The following SLC38A8 variants were observed in gnomAD, a reference collection of about 807,000 sequenced individuals.
The protein encoded by SLC38A8 is solute carrier family 38 member 8.
Under a neutral mutation model 46.0 loss-of-function variants are expected in SLC38A8, and 65 were observed. The observed-to-expected ratio is 1.41, with a 90% CI of 1.16 to 1.74. The LOEUF is 1.74. SLC38A8 is among the 40% of genes most tolerant of loss of function. The pLI, the probability that SLC38A8 is intolerant of heterozygous loss-of-function variation, is 0.00. For synonymous variants in SLC38A8, 447 were observed against 243.7 expected (o/e 1.83, Z -7.77); for missense variants, 998 against 567.9 (o/e 1.76, Z -7.70).
chr16:84,019,479 G>A (rs368025567), intron 7 of SLC38A8, among the ~76,000 whole-genome samples: 7 of 152,252 alleles, frequency 4.6e-5, no homozygotes, highest in Middle Eastern at 3.4e-3. Flanking sequence ...TTATGAGAGC[G>A]CTGCTCTCGA....
Position 84,016,582 on chromosome 16 carries a change from C to T in SLC38A8, c.1099G>A (p.Asp367Asn). ...VTLAMALFMP[D>N]LSEIVSIIGG... The stretch of plus-strand genomic sequence containing the variant: ...ATGATGCTGACGATCTCGCTGAGGT[C>T]AGGCATAAACAGCGCCATGGCGAGC... The change falls in exon 9 of 11, where the codon GAC (aspartate) becomes AAC (asparagine). Residue 367 changes from aspartate (D) to asparagine (N), a missense_variant. By Grantham distance (23) the Asp-to-Asn change is conservative (BLOSUM62 1). Coordinates refer to ENST00000299709, the MANE Select transcript of SLC38A8 (RefSeq NM_001080442.3). The T allele has an allele frequency of 2.5e-6, 4 of 1,614,076 alleles. No homozygotes were observed. The highest frequency in any genetic ancestry group is 3.4e-6 in the Non-Finnish European group (4 of 1,180,020).
At chr16:84,039,658 G>A (rs565648935) in intron 2 of SLC38A8, among the ~76,000 whole-genome samples, 1 of 150,634 alleles carries the variant, frequency 6.6e-6, no homozygotes, top group East Asian at 2.0e-4. Flanking sequence ...CTGGGCAGGA[G>A]AATCGCTTGA....
chr16:84,010,141 G>A (rs994617925), intron 10 of SLC38A8, among the ~76,000 whole-genome samples: 8 of 142,148 alleles, frequency 5.6e-5, no homozygotes, highest in South Asian at 2.2e-4. Flanking sequence ...CACGATCTCG[G>A]CTCACTGCAG....
At chr16:84,026,027 G>A (rs897267866) in intron 6 of SLC38A8, among the ~76,000 whole-genome samples, 3 of 152,248 alleles carry the variant, frequency 2.0e-5, no homozygotes, top group Admixed American at 6.5e-5. Context: ...CCGTGCACCA[G>A]CACCTCAGCC....
chr16:84,037,720 C>T (rs1399501151), intron 2 of SLC38A8, among the ~76,000 whole-genome samples: 1 of 151,408 alleles, frequency 6.6e-6, no homozygotes, highest in Non-Finnish European at 1.5e-5. Context: ...AAAATTGTAC[C>T]TCTGTACTCC....
chr16:84,022,914 A>G (rs779287590), intron 6 of SLC38A8, 25 bp from the exon 7 acceptor site: 2 of 1,532,946 alleles, frequency 1.3e-6, no homozygotes, highest in East Asian at 4.7e-5. Flanking sequence ...GCGGCTCAGC[A>G]GGATGCTGGC....
intron 7 of SLC38A8, among the ~76,000 whole-genome samples, chr16:84,018,465 C>T (rs946661945): frequency 3.3e-5 from 5 of 152,094 alleles, no homozygotes; most frequent in South Asian, 2.1e-4. Flanking sequence ...GTGATCCACC[C>T]GCCCTGGCCT....
At chr16:84,023,636 G>C (rs1192668627) in intron 6 of SLC38A8, among the ~76,000 whole-genome samples, 1 of 152,238 alleles carries the variant, frequency 6.6e-6, no homozygotes, top group African/African-American at 2.4e-5. Flanking sequence ...GCTCGCACCT[G>C]TCACCCCAGC....
intron 3 of SLC38A8, among the ~76,000 whole-genome samples, chr16:84,036,469 A>C (rs1195676589): frequency 6.6e-6 from 1 of 152,222 alleles, no homozygotes; most frequent in Non-Finnish European, 1.5e-5. Flanking sequence ...TGGATATCCT[A>C]ATTGCAGCCA....
At position 84,042,536 on chromosome 16, in the gene SLC38A8, G is replaced by T. The variant is rs371053449; in HGVS notation, c.-3+15C>A. On this transcript the variant is annotated intron_variant, in intron 1 of 10. Transcript: ENST00000299709. ...AAACTTCTGTACAAACAGACCCCCA[G>T]TTCCTGGTCCTTACCACCAAATCCA... The T allele has an allele frequency of 1.9e-4, 32 of 169,226 alleles. No individual in the cohort carries two copies. In the East Asian group the frequency reaches 5.2e-3, roughly 27 times the overall value. The allele number at this position is 169,226 out of a possible 1,614,324, so 10.5% of individuals were successfully genotyped here. A position where few individuals can be genotyped will look rare whatever the true frequency, so the allele number is the denominator to read the frequency against.
At chr16:84,012,161 C>T (rs1254590594) in intron 10 of SLC38A8, among the ~76,000 whole-genome samples, 2 of 152,218 alleles carry the variant, frequency 1.3e-5, no homozygotes, top group Admixed American at 6.5e-5. Context: ...CCCCATAAAA[C>T]TAATACATCA....
intron 2 of SLC38A8, among the ~76,000 whole-genome samples, chr16:84,039,603 G>A (rs1007867153): frequency 1.3e-5 from 2 of 152,122 alleles, no homozygotes; most frequent in African/African-American, 4.8e-5. Context: ...AAAACTAGCA[G>A]GGTGTGGCAG....
At chr16:84,013,086 G>A (rs770575237) in intron 9 of SLC38A8, 34 bp from the exon 10 acceptor site, 4 of 1,613,068 alleles carry the variant, frequency 2.5e-6, no homozygotes, top group Admixed American at 1.7e-5. Context: ...ACAGTTCTTC[G>A]TTATCAAACC....
chr16:84,014,544 C>G (rs1168009445), intron 9 of SLC38A8, among the ~76,000 whole-genome samples: 3 of 151,926 alleles, frequency 2.0e-5, no homozygotes, highest in African/African-American at 7.3e-5. Flanking sequence ...GGCCACACCC[C>G]TCTCCTCTCT....
rs775526864 is a variant in SLC38A8 at position 84,042,001 on chromosome 16, C to T, written c.157G>A (p.Gly53Ser). Residue 53 changes from glycine to serine, a missense_variant, in exon 2 of 11, where the codon GGC becomes AGC. By Grantham distance (56) the Gly-to-Ser change is moderately conservative. Transcript: ENST00000299709. ...ACCAGGAAGGCAGGGACCACTCCGC[C>T]CGCTTTGGAGAAGGCCCAGGGGAAG... ...LNFPWAFSKA[G>S]GVVPAFLVEL... 1.2e-5 allele frequency: 19 copies of T among 1,610,122 alleles called. No homozygotes were observed. In the African/African-American group the frequency reaches 1.6e-4, roughly 14 times the overall value.
At chr16:84,009,973 G>C (rs927376818) in intron 10 of SLC38A8, 96 bp from the exon 11 acceptor site, 2 of 947,448 alleles carry the variant, frequency 2.1e-6, no homozygotes, top group Non-Finnish European at 3.0e-6. Flanking sequence ...GCCCAGTATG[G>C]AGTCATCAAT....
At chr16:84,029,641 G>A in intron 5 of SLC38A8, 90 bp from the exon 6 acceptor site, 1 of 1,305,070 alleles carries the variant, frequency 7.7e-7, no homozygotes, top group East Asian at 2.4e-5. Context: ...AGGATGCTGG[G>A]AAAATGTAAC....
intron 10 of SLC38A8, 89 bp downstream of exon 10, chr16:84,012,912 T>A (rs2084970961): frequency 7.1e-7 from 1 of 1,400,684 alleles, no homozygotes; most frequent in Non-Finnish European, 1.0e-6. Flanking sequence ...ATGCAGAGGA[T>A]GAGAAATAGG....
At chr16:84,017,433 T>A (rs530960410) in intron 7 of SLC38A8, 146 bp from the exon 8 acceptor site, 2 of 923,796 alleles carry the variant, frequency 2.2e-6, no homozygotes, top group African/African-American at 3.3e-5. Context: ...AGCCCAAAGC[T>A]TTCCTGTCCT....
Sources: allele counts gnomAD v4.1 joint callset (sites outside exome capture counted in the v4.1 genomes callset), GRCh38; gene constraint gnomAD v4.1.1; transcripts MANE v1.5; gene names NCBI Gene and HGNC (gene_info 2026-07-23, HGNC 2026-07-21).